The following ERC1 variants were observed in gnomAD, a reference collection of about 807,000 sequenced individuals.
ERC1 encodes the protein RAB6 interacting protein 2.
In ERC1, 56 loss-of-function variants were observed where a neutral mutation model predicts 132.0. The observed-to-expected ratio is 0.42, with a 90% CI of 0.34 to 0.53. ERC1 has a LOEUF of 0.53. Among genes scored for constraint, ERC1 ranks in the 20% least tolerant of loss-of-function variants. ERC1 has a pLI of 0.03. For missense variants in ERC1, 1,202 were observed against 1,349.9 expected (o/e 0.89, Z 1.72); for synonymous variants, 478 against 476.1 (o/e 1.00, Z -0.05).
intron 15 of ERC1, among the ~76,000 whole-genome samples, chr12:1,300,400 A>G (rs1024441896): frequency 6.6e-6 from 1 of 152,120 alleles, no homozygotes; most frequent in Non-Finnish European, 1.5e-5. Context: ...GGGCGCGGGC[A>G]AGGATTTCAT....
chr12:1,305,531 C>T (rs2080814932), intron 15 of ERC1, among the ~76,000 whole-genome samples: 1 of 152,144 alleles, frequency 6.6e-6, no homozygotes, highest in Non-Finnish European at 1.5e-5. Flanking sequence ...TAAGTTATTT[C>T]CACTTAAACT....
chr12:1,272,429 T>C (rs1257935268), intron 14 of ERC1, among the ~76,000 whole-genome samples: 1 of 152,208 alleles, frequency 6.6e-6, no homozygotes, highest in East Asian at 1.9e-4. Context: ...TGTCAAGTGT[T>C]AATACTGTGA....
At chr12:1,339,040 G>A (rs1185676479) in intron 15 of ERC1, among the ~76,000 whole-genome samples, 5 of 152,364 alleles carry the variant, frequency 3.3e-5, no homozygotes, top group Admixed American at 1.3e-4. Context: ...GCCAGCAACA[G>A]CAGCAGCGCA....
chr12:1,056,888 G>A (rs1000816368), intron 2 of ERC1, among the ~76,000 whole-genome samples: 10 of 152,112 alleles, frequency 6.6e-5, no homozygotes, highest in African/African-American at 2.4e-4. Flanking sequence ...GTTAAAAGGG[G>A]AAATTACGCC....
At chr12:1,216,632 G>C (rs980267003) in intron 12 of ERC1, among the ~76,000 whole-genome samples, 2 of 132,408 alleles carry the variant, frequency 1.5e-5, no homozygotes, top group Non-Finnish European at 3.2e-5. Context: ...TGGGGGGCGG[G>C]GGGAGTAAAT....
chr12:1,357,141 G>C (rs2085622226), intron 15 of ERC1, among the ~76,000 whole-genome samples: 1 of 152,030 alleles, frequency 6.6e-6, no homozygotes. Flanking sequence ...TACTTTTTTT[G>C]TAAGTGTACC....
At chr12:991,078 C>T (rs1449506356), upstream of ERC1, 1 of 151,506 alleles carries the variant, frequency 6.6e-6, no homozygotes, top group African/African-American at 2.4e-5. Flanking sequence ...CGCCCGGAGG[C>T]CCCCGGGCCG....
chr12:1,482,770 A>G lies in ERC1; in HGVS notation c.3214-7323A>G, dbSNP rs567727448. Among the ~76,000 whole-genome samples, 6 of 152,200 alleles carry G rather than the reference A, an allele frequency of 3.9e-5. No individual in the cohort carries two copies. In the East Asian group the frequency reaches 9.7e-4, roughly 25 times the overall value. On this transcript the variant is annotated intron_variant, in intron 18 of 18. Transcript: ENST00000360905. ...CCAATTTTTTTATAGTTTTACTGAG[A>G]TATAATTTACATACATACAACTCAC... is the stretch of plus-strand genomic sequence containing the variant.
chr12:1,273,549 A>T (rs1279045768), intron 14 of ERC1, among the ~76,000 whole-genome samples: 1 of 152,200 alleles, frequency 6.6e-6, no homozygotes, highest in Non-Finnish European at 1.5e-5. Context: ...GTAATGTTTT[A>T]TGTCTGTTCT....
chr12:1,306,098 T>C lies in ERC1; in HGVS notation c.2780+16086T>C, dbSNP rs149224202. 2.6e-5 allele frequency among the ~76,000 whole-genome samples: 4 copies of C among 152,256 alleles called. No individual in the cohort carries two copies. In the East Asian group the frequency reaches 7.7e-4, roughly 29 times the overall value. On this transcript the variant is annotated intron_variant, in intron 15 of 18. Transcript: ENST00000360905. ...AATAGTTTATTTTTCCAGTATACTTTAAAGAAAAAAAAACCTTCGGTTCTC... is the reference window on the plus strand; with the variant it reads ...AATAGTTTATTTTTCCAGTATACTTCAAAGAAAAAAAAACCTTCGGTTCTC...
At chr12:1,327,811 C>A (rs960737132) in intron 15 of ERC1, among the ~76,000 whole-genome samples, 1 of 151,786 alleles carries the variant, frequency 6.6e-6, no homozygotes, top group Non-Finnish European at 1.5e-5. Context: ...ATTCCATAAA[C>A]GACCTCAACA....
intron 14 of ERC1, among the ~76,000 whole-genome samples, chr12:1,279,316 A>G (rs1436705718): frequency 2.6e-5 from 4 of 152,188 alleles, no homozygotes; most frequent in Non-Finnish European, 4.4e-5. Flanking sequence ...AGTATGACCA[A>G]AAAATTCTCT....
chr12:1,020,971 G>A (rs1411969682), intron 1 of ERC1, among the ~76,000 whole-genome samples: 4 of 152,120 alleles, frequency 2.6e-5, no homozygotes, highest in African/African-American at 9.7e-5. Flanking sequence ...ATGGAGTCCT[G>A]CTCTTTCACC....
intron 15 of ERC1, among the ~76,000 whole-genome samples, chr12:1,315,165 G>A (rs1335666499): frequency 1.3e-5 from 2 of 151,934 alleles, no homozygotes; most frequent in South Asian, 2.1e-4. Context: ...GACTACAGGT[G>A]TGCACCACCA....
intron 1 of ERC1, among the ~76,000 whole-genome samples, chr12:1,008,166 GT>G: frequency 6.6e-6 from 1 of 152,320 alleles, no homozygotes; most frequent in African/African-American, 2.4e-5. Context: ...GGTATAGGAC[GT>G]TTCTGTAATC....
chr12:1,423,774 A>G (rs921923982), intron 17 of ERC1, among the ~76,000 whole-genome samples: 1 of 152,198 alleles, frequency 6.6e-6, no homozygotes, highest in Non-Finnish European at 1.5e-5. Flanking sequence ...TTGCAGACTC[A>G]TTTATGATTG....
chr12:1,379,016 T>A (rs1410265100), intron 16 of ERC1, among the ~76,000 whole-genome samples: 1 of 152,184 alleles, frequency 6.6e-6, no homozygotes, highest in Non-Finnish European at 1.5e-5. Context: ...TTGTGTGATA[T>A]TTTGGTCTAA....
At chr12:1,294,767 C>G (rs1053249562) in intron 15 of ERC1, among the ~76,000 whole-genome samples, 1 of 152,028 alleles carries the variant, frequency 6.6e-6, no homozygotes, top group African/African-American at 2.4e-5. Context: ...ATATAATTTA[C>G]CAGTATGGCA....
At position 1,116,050 on chromosome 12, in the gene ERC1, G is replaced by T. The variant is rs112044764; in HGVS notation, c.1569+17G>T. On this transcript the variant is annotated intron_variant, in intron 7 of 18. Coordinates refer to ENST00000360905, the MANE Select transcript of ERC1 (RefSeq NM_178040.4). Reference sequence around the variant, plus strand: ...CAGACTGAGGTAGAAACAATTCTGGGATTTGTGGGGAGTTGGTTTCTTGGC... The same window carrying T: ...CAGACTGAGGTAGAAACAATTCTGGTATTTGTGGGGAGTTGGTTTCTTGGC... 1,409 of 1,596,794 alleles carry T rather than the reference G, an allele frequency of 8.8e-4. 9 individuals carry two copies. The African/African-American group carries it at 9.8e-3, about 11-fold the overall frequency.
Sources: allele counts gnomAD v4.1 joint callset (sites outside exome capture counted in the v4.1 genomes callset), GRCh38; gene constraint gnomAD v4.1.1; transcripts MANE v1.5; gene names NCBI Gene and HGNC (gene_info 2026-07-23, HGNC 2026-07-21).